Variants in COG2 observed in about 807,000 individuals in gnomAD.
COG2 encodes conserved oligomeric Golgi complex subunit 2.
In COG2, 52 loss-of-function variants were observed where a neutral mutation model predicts 90.6. That is an observed-to-expected ratio of 0.57 (90% CI 0.46 to 0.72). COG2 has a LOEUF of 0.72. Among genes scored for constraint, COG2 ranks in the 30% least tolerant of loss-of-function variants. The probability of loss-of-function intolerance (pLI) is 0.00; values close to 1 mark genes in which losing one functional copy is unlikely to be tolerated. For synonymous variants in COG2, 337 were observed against 320.4 expected (o/e 1.05, Z -0.55); for missense variants, 829 against 891.2 (o/e 0.93, Z 0.89).
intron 10 of COG2, chr1:230,681,940 G>A (rs1012161233): frequency 3.1e-4 from 47 of 151,532 alleles, no homozygotes; most frequent in African/African-American, 1.1e-3. Context: ...TCAAGGCTCT[G>A]CTGCATTTCT....
intron 9 of COG2, chr1:230,677,892 C>G (rs3789644): frequency 0.037 from 10,077 of 272,728 alleles, 296 homozygotes; most frequent in East Asian, 0.15. Context: ...CCATTATATG[C>G]AGAGGTATAG....
chr1:230,671,850 A>G (rs1662457530), intron 8 of COG2, among the ~76,000 whole-genome samples: 1 of 152,222 alleles, frequency 6.6e-6, no homozygotes, highest in Non-Finnish European at 1.5e-5. Context: ...GATGAAGCTG[A>G]GACTGAAGAC....
intron 17 of COG2, 72 bp downstream of exon 17, chr1:230,691,636 G>A: frequency 7.2e-7 from 1 of 1,397,878 alleles, no homozygotes; most frequent in Non-Finnish European, 9.9e-7. Context: ...TTACTTGGTG[G>A]CTCGCGTGAT....
chr1:230,654,757 C>T (rs1662009527), intron 1 of COG2, among the ~76,000 whole-genome samples: 1 of 152,246 alleles, frequency 6.6e-6, no homozygotes, highest in East Asian at 1.9e-4. Context: ...TTGTTTGTGT[C>T]CTCTCTTATT....
intron 8 of COG2, 62 bp downstream of exon 8, chr1:230,671,702 C>T: frequency 6.6e-7 from 1 of 1,509,060 alleles, no homozygotes; most frequent in Non-Finnish European, 9.1e-7. Context: ...CTGCTAATTG[C>T]AGGTGCACGA....
intron 2 of COG2, 74 bp downstream of exon 2, chr1:230,659,699 T>A: frequency 6.8e-7 from 1 of 1,477,322 alleles, no homozygotes; most frequent in African/African-American, 1.4e-5. Flanking sequence ...TTAGAAGTGT[T>A]GTGTGTTTTT....
chr1:230,683,678 G>A, intron 11 of COG2, 43 bp downstream of exon 11: 1 of 1,255,364 alleles, frequency 8.0e-7, no homozygotes, highest in Non-Finnish European at 1.2e-6. Context: ...TCCTAAATGA[G>A]TTCATTCAGT....
At chr1:230,653,849 C>G (rs956240104) in intron 1 of COG2, among the ~76,000 whole-genome samples, 1 of 152,136 alleles carries the variant, frequency 6.6e-6, no homozygotes, top group South Asian at 2.1e-4. Flanking sequence ...GGGATGAACT[C>G]ACTTTTATAA....
Position 230,671,550 on chromosome 1 carries a change from A to T in COG2, c.809A>T (p.Asn270Ile). 1.2e-6 allele frequency: 2 copies of T among 1,613,510 alleles called. No individual in the cohort carries two copies. Among genetic ancestry groups the T allele is most frequent in the Non-Finnish European group, 1.7e-6 (2 of 1,179,574 alleles). ...GAGCAGTTTGTTGAATCTCATCCCA[A>T]TGGCCTTCAGGTCATGTATAATAAA... is the stretch of plus-strand genomic sequence containing the variant. ...IIEQFVESHP[N>I]GLQVMYNKLL... is the part of the protein sequence containing the mutation. The change falls in exon 8 of 18, where the codon AAT (asparagine) becomes ATT (isoleucine). Residue 270 changes from asparagine to isoleucine, a missense_variant. Asn to Ile is a moderately radical substitution (Grantham distance 149). Coordinates refer to ENST00000366669, the MANE Select transcript of COG2 (RefSeq NM_007357.3).
chr1:230,666,418 T>C (rs1004328395), intron 5 of COG2, among the ~76,000 whole-genome samples: 1 of 152,156 alleles, frequency 6.6e-6, no homozygotes, highest in Admixed American at 6.5e-5. Flanking sequence ...TCCCATTGCC[T>C]CGTTTCAGGC....
At chr1:230,653,562 A>G (rs1193047598) in intron 1 of COG2, among the ~76,000 whole-genome samples, 2 of 152,098 alleles carry the variant, frequency 1.3e-5, no homozygotes, top group Non-Finnish European at 2.9e-5. Context: ...ACTAGCCAGA[A>G]TTGATTCTAC....
At chr1:230,690,182 G>A in intron 16 of COG2, 29 bp downstream of exon 16, 4 of 1,605,508 alleles carry the variant, frequency 2.5e-6, no homozygotes, top group Non-Finnish European at 3.4e-6. Context: ...GACCTTGTGG[G>A]CCTTGCTTAG....
In COG2 at chr1:230,647,363, G is replaced by A. The variant is rs931053060; in HGVS notation, c.72+4685G>A. On this transcript the variant is annotated intron_variant, in intron 1 of 17. Coordinates refer to ENST00000366669, the MANE Select transcript of COG2 (RefSeq NM_007357.3). ...TCTGAGGCTCATCTGTATTCTAAGT[G>A]TGTAAATAGGGAATATTGAAACAGG... 1.9e-4 allele frequency among the ~76,000 whole-genome samples: 29 copies of A among 152,156 alleles called. 1 individual carries two copies. The highest frequency in any genetic ancestry group is 7.0e-4 in the African/African-American group (29 of 41,434).
At chr1:230,666,333 A>G (rs1258204485) in intron 5 of COG2, among the ~76,000 whole-genome samples, 1 of 152,036 alleles carries the variant, frequency 6.6e-6, no homozygotes, top group Non-Finnish European at 1.5e-5. Flanking sequence ...TCTGGCGTTC[A>G]CTAGGCAAGC....
At chr1:230,691,295 T>C (rs1663019582) in intron 16 of COG2, 89 bp from the exon 17 acceptor site, 2 of 1,174,710 alleles carry the variant, frequency 1.7e-6, no homozygotes, top group Non-Finnish European at 2.3e-6. Flanking sequence ...ATCTTAAAAA[T>C]CTCTTTTTTT....
At chr1:230,659,424 T>A (rs1361958089) in intron 1 of COG2, 40 bp from the exon 2 acceptor site, 2 of 1,488,014 alleles carry the variant, frequency 1.3e-6, no homozygotes, top group Non-Finnish European at 1.9e-6. Flanking sequence ...CACTGTGATA[T>A]CATTGCTATA....
At chr1:230,675,158 A>G (rs1662558474) in intron 9 of COG2, 34 bp downstream of exon 9, 1 of 1,595,248 alleles carries the variant, frequency 6.3e-7, no homozygotes. Flanking sequence ...ATTCTTGAAG[A>G]TGTTAACCGG....
chr1:230,686,222 T>C (rs1309906094), intron 12 of COG2, among the ~76,000 whole-genome samples: 1 of 152,218 alleles, frequency 6.6e-6, no homozygotes, highest in African/African-American at 2.4e-5. Context: ...TAGTGAAATC[T>C]AGTTTGTGTT....
intron 4 of COG2, 63 bp from the exon 5 acceptor site, chr1:230,664,421 G>A (rs1056896819): frequency 7.3e-6 from 5 of 681,112 alleles, no homozygotes; most frequent in Non-Finnish European, 9.4e-6. Flanking sequence ...TACTTAGGAT[G>A]ATGAAATAAG....
Sources: allele counts gnomAD v4.1 joint callset (sites outside exome capture counted in the v4.1 genomes callset), GRCh38; gene constraint gnomAD v4.1.1; transcripts MANE v1.5; gene names NCBI Gene and HGNC (gene_info 2026-07-23, HGNC 2026-07-21).